LONP2: variants seen among roughly 807,000 people sequenced by gnomAD.
LONP2 encodes the protein lon peptidase 2, peroxisomal, also known as lon protease homolog 2, peroxisomal.
In LONP2, 60 loss-of-function variants were observed where a neutral mutation model predicts 85.6. The ratio of observed to expected loss-of-function variants is 0.70; its 90% CI spans 0.57 to 0.87. The LOEUF (loss-of-function observed/expected upper bound fraction) is 0.87. LONP2 is among the 40% of genes least tolerant of loss of function. The probability of loss-of-function intolerance (pLI) is 0.00; values close to 1 mark genes in which losing one functional copy is unlikely to be tolerated. For missense variants in LONP2, 860 were observed against 1,063.5 expected, an observed-to-expected ratio of 0.81 and a Z score of 2.66; for synonymous variants, 395 against 389.7, an observed-to-expected ratio of 1.01 and a Z score of -0.16.
rs1292080223 is a variant in LONP2, at chr16:48,244,604, C to T, written c.216C>T (p.Asp72=). Residue 72 remains aspartate (D), a synonymous_variant, in exon 1 of 15, where the codon GAC becomes GAT. Coordinates refer to ENST00000285737, the MANE Select transcript of LONP2 (RefSeq NM_031490.5). The part of the protein sequence containing the change: ...NTPDPASDAQ[D]LPPLHRIGTA... ...CTGACCCCGCCAGCGACGCGCAGGA[C>T]CTGCCGCCGCTGCACAGGTAGGCCT... 2.0e-6 allele frequency: 3 copies of T among 1,480,054 alleles called. No homozygotes were observed. The highest frequency in any genetic ancestry group is 1.5e-5 in the African/African-American group (1 of 68,890). 91.7% of individuals were successfully genotyped at this position (1,480,054 alleles called of 1,614,324 possible).
In LONP2 at chr16:48,258,624, G is replaced by A. The variant is rs766357823; in HGVS notation, c.607G>A (p.Asp203Asn). The A allele has an allele frequency of 2.5e-5, 40 of 1,592,904 alleles. No homozygotes were observed. The highest frequency in any genetic ancestry group is 3.3e-5 in the Non-Finnish European group (39 of 1,171,914). The change falls in exon 4 of 15, where the codon GAT (aspartate) becomes AAT (asparagine). Residue 203 changes from aspartate (D) to asparagine (N), a missense_variant. Around this residue, in one of 3 missense-constraint regions of LONP2, gnomAD observed 743 missense variants for 917.3 expected, o/e 0.81. Coordinates refer to ENST00000285737, the MANE Select transcript of LONP2 (RefSeq NM_031490.5). The stretch of plus-strand genomic sequence containing the variant: ...TTGACTCACATTTCCTTAGATTTTA[G>A]ATGCTGTGAGCCTAGAGGAGCGGTT... ...TSNKEKLQIL[D>N]AVSLEERFKM...
chr16:48,358,585 G>A (rs1960461183), downstream of LONP2, among the ~76,000 whole-genome samples: 1 of 152,158 alleles, frequency 6.6e-6, no homozygotes, highest in African/African-American at 2.4e-5. Context: ...ACTTCAGGAG[G>A]CCAAGGCAGG....
At chr16:48,268,697 T>A (rs1349182142) in intron 6 of LONP2, among the ~76,000 whole-genome samples, 1 of 152,188 alleles carries the variant, frequency 6.6e-6, no homozygotes, top group Non-Finnish European at 1.5e-5. Flanking sequence ...ATTGGTTGGG[T>A]TCTGGAGCCA....
chr16:48,324,694 T>C (rs1317439848), intron 11 of LONP2, among the ~76,000 whole-genome samples: 4 of 152,178 alleles, frequency 2.6e-5, no homozygotes, highest in Non-Finnish European at 4.4e-5. Context: ...CAAACCACAA[T>C]TGACTCTTTT....
At chr16:48,262,988 CA>C (rs1199501697) in intron 6 of LONP2, 116 bp downstream of exon 6, 6 of 694,412 alleles carry the variant, frequency 8.6e-6, no homozygotes, top group Non-Finnish European at 7.2e-6. Flanking sequence ...TTTTTGTTTT[CA>C]ATTTTTTTGA....
At chr16:48,329,118 G>C (rs1203378028) in intron 11 of LONP2, among the ~76,000 whole-genome samples, 1 of 152,030 alleles carries the variant, frequency 6.6e-6, no homozygotes, top group African/African-American at 2.4e-5. Context: ...TTACCATTTT[G>C]GACTATATCA....
chr16:48,336,405 A>T, intron 12 of LONP2: 1 of 456,244 alleles, frequency 2.2e-6, no homozygotes, highest in South Asian at 1.5e-5. Flanking sequence ...AGCATCTTAG[A>T]ATGGAAGATG....
chr16:48,347,464 T>C (rs952508064), intron 12 of LONP2, 43 bp from the exon 13 acceptor site: 1 of 1,600,768 alleles, frequency 6.2e-7, no homozygotes, highest in South Asian at 1.1e-5. Context: ...CAGTCACCTT[T>C]AGCATTTGCC....
At chr16:48,299,295 A>G (rs567576760) in intron 9 of LONP2, among the ~76,000 whole-genome samples, 30 of 152,142 alleles carry the variant, frequency 2.0e-4, no homozygotes, top group African/African-American at 7.2e-4. Context: ...TTAAAAAAGC[A>G]TGGCACTGGC....
chr16:48,249,764 A>C (rs1250181964), intron 1 of LONP2, among the ~76,000 whole-genome samples: 1 of 152,228 alleles, frequency 6.6e-6, no homozygotes, highest in African/African-American at 2.4e-5. Context: ...GTCAACTATA[A>C]GTGATTTTAA....
At chr16:48,298,880 G>A (rs1286716890) in intron 9 of LONP2, among the ~76,000 whole-genome samples, 1 of 151,704 alleles carries the variant, frequency 6.6e-6, no homozygotes, top group Non-Finnish European at 1.5e-5. Context: ...AACAATTATT[G>A]ACTTAGATCA....
chr16:48,270,655 A>G (rs1448474588), intron 7 of LONP2, among the ~76,000 whole-genome samples: 1 of 152,226 alleles, frequency 6.6e-6, no homozygotes, highest in Non-Finnish European at 1.5e-5. Flanking sequence ...GGGAGGGCCA[A>G]TAGGAGGAGG....
intron 11 of LONP2, among the ~76,000 whole-genome samples, chr16:48,328,862 G>A (rs1185703882): frequency 1.3e-5 from 2 of 151,278 alleles, no homozygotes; most frequent in African/African-American, 4.9e-5. Flanking sequence ...TGGGGGGAGC[G>A]GGAGCCAGTA....
intron 12 of LONP2, among the ~76,000 whole-genome samples, chr16:48,340,240 C>T (rs944083497): frequency 1.2e-4 from 18 of 152,192 alleles, no homozygotes; most frequent in Admixed American, 7.2e-4. Flanking sequence ...TCTCTTTGAG[C>T]TTGATGTCTT....
chr16:48,307,998 A>C (rs1972947563), intron 11 of LONP2, among the ~76,000 whole-genome samples: 1 of 152,172 alleles, frequency 6.6e-6, no homozygotes, highest in Non-Finnish European at 1.5e-5. Flanking sequence ...CTGTCATGTG[A>C]ACTCATTACC....
At position 48,330,672 on chromosome 16, in the gene LONP2, C is replaced by A. The variant is rs1019974669; in HGVS notation, c.1796-3544C>A. On this transcript the variant is annotated intron_variant, in intron 11 of 14. Coordinates refer to ENST00000285737, the MANE Select transcript of LONP2 (RefSeq NM_031490.5). The stretch of plus-strand genomic sequence containing the variant: ...CCCTACTCACACTTTGCATTACACA[C>A]AGTCCAGGGGGTGACTCAGAATCCA... Among the ~76,000 whole-genome samples, 10 of 152,354 alleles carry A rather than the reference C, an allele frequency of 6.6e-5. 1 individual carries two copies. The South Asian group carries it at 1.9e-3, about 28-fold the overall frequency.
chr16:48,250,343 G>T (rs1479661223), intron 1 of LONP2, among the ~76,000 whole-genome samples: 1 of 151,970 alleles, frequency 6.6e-6, no homozygotes, highest in African/African-American at 2.4e-5. Flanking sequence ...TTAGCTGGGC[G>T]TGGTGGTGTG....
intron 8 of LONP2, among the ~76,000 whole-genome samples, chr16:48,291,330 T>C (rs991487326): frequency 5.3e-5 from 8 of 152,184 alleles, no homozygotes; most frequent in Admixed American, 3.9e-4. Context: ...ATATACACTT[T>C]TAAAAAGCAT....
chr16:48,339,425 T>G (rs1771953918), intron 12 of LONP2, among the ~76,000 whole-genome samples: 2 of 152,094 alleles, frequency 1.3e-5, no homozygotes, highest in African/African-American at 4.8e-5. Context: ...TGGTAGAAAT[T>G]GGAGTATGTT....
Sources: gnomAD v4.1 joint callset for allele counts (sites outside exome capture counted in the v4.1 genomes callset) on GRCh38, gnomAD v4.1.1 for gene constraint, gnomAD v4.1.1 regional missense constraint, MANE v1.5 for transcripts, NCBI Gene and HGNC (gene_info 2026-07-23, HGNC 2026-07-21) for gene names.